ARRDC3: variants seen among roughly 807,000 people sequenced by gnomAD.
ARRDC3 encodes the protein arrestin domain containing 3, also known as arrestin domain-containing protein 3.
Under a neutral mutation model 47.2 loss-of-function variants are expected in ARRDC3, and 10 were observed. The ratio of observed to expected loss-of-function variants is 0.21; its 90% CI spans 0.13 to 0.36. ARRDC3 has a LOEUF of 0.36. ARRDC3 is among the 10% of genes least tolerant of loss of function. ARRDC3 has a pLI of 1.00. For missense variants in ARRDC3, 381 were observed against 503.6 expected (o/e 0.76, Z 2.33); for synonymous variants, 156 against 178.3 (o/e 0.87, Z 1.00).
At chr5:91,377,821 C>T (rs1268337256) in intron 2 of ARRDC3, among the ~76,000 whole-genome samples, 1 of 151,932 alleles carries the variant, frequency 6.6e-6, no homozygotes, top group East Asian at 1.9e-4. Context: ...TCAAATAATA[C>T]AGTAAATAGA....
chr5:91,370,721 C>G lies in ARRDC3; in HGVS notation c.*679G>C, dbSNP rs1050512119. 1.3e-5 allele frequency: 2 copies of G among 152,508 alleles called. No homozygotes were observed. Among genetic ancestry groups the G allele is most frequent in the Non-Finnish European group, 2.9e-5 (2 of 67,998 alleles). 9.4% of individuals were successfully genotyped at this position (152,508 alleles called of 1,614,324 possible). On this transcript the variant is annotated 3_prime_UTR_variant, in exon 8 of 8. Transcript: ENST00000265138. ...TCTTTTTTTCCCACATTATCTGTTGCGTATCTACTACAGTAGGCTGCAAAA... is the reference window on the plus strand; with the variant it reads ...TCTTTTTTTCCCACATTATCTGTTGGGTATCTACTACAGTAGGCTGCAAAA...
chr5:91,378,075 C>A (rs763126324), intron 2 of ARRDC3, among the ~76,000 whole-genome samples: 3 of 151,994 alleles, frequency 2.0e-5, no homozygotes, highest in Non-Finnish European at 4.4e-5. Context: ...GAATATACCA[C>A]TTTCCTTTTT....
intron 1 of ARRDC3, among the ~76,000 whole-genome samples, chr5:91,379,239 T>C (rs910580785): frequency 7.3e-6 from 1 of 137,104 alleles, no homozygotes; most frequent in East Asian, 2.1e-4. Flanking sequence ...ATACCAGATG[T>C]GAATAGAATA....
intron 2 of ARRDC3, among the ~76,000 whole-genome samples, chr5:91,377,789 C>T (rs1430934661): frequency 6.6e-6 from 1 of 151,946 alleles, no homozygotes; most frequent in Non-Finnish European, 1.5e-5. Context: ...TAGATGAGGG[C>T]ATTATATTCC....
rs1394065046 is a variant in ARRDC3, at chr5:91,376,728, G to A, written c.403C>T (p.Arg135Cys). ...TGCAATTCGGCTTTCACCCAATAGC[G>A]CACACTGCCATGTCGGCCTTCGAAT... ...TSFEGRHGSV[R>C]YWVKAELHRP... Residue 135 changes from arginine (R) to cysteine (C), a missense_variant, in exon 3 of 8, where the codon CGC (arginine) becomes TGC (cysteine). Physicochemically the swap from Arg to Cys is radical, Grantham distance 180. Transcript: ENST00000265138. The A allele has an allele frequency of 9.3e-6, 15 of 1,613,806 alleles. No individual in the cohort carries two copies. The highest frequency in any genetic ancestry group is 1.3e-5 in the Non-Finnish European group (15 of 1,179,864).
chr5:91,374,672 C>A (rs1406450873), intron 5 of ARRDC3, among the ~76,000 whole-genome samples: 1 of 152,032 alleles, frequency 6.6e-6, no homozygotes, highest in Non-Finnish European at 1.5e-5. Context: ...TCACTTGAGC[C>A]CAGGAGTTCA....
chr5:91,380,512 C>G (rs1011092095), intron 1 of ARRDC3: 2 of 152,566 alleles, frequency 1.3e-5, no homozygotes, highest in East Asian at 1.9e-4. Flanking sequence ...CCCCCCCTCC[C>G]CCAACATTTC....
chr5:91,370,731 ACAG>A lies in ARRDC3; in HGVS notation c.*666_*668del, dbSNP rs1303355659. 6 of 152,570 alleles carry A rather than the reference ACAG, an allele frequency of 3.9e-5. No individual in the cohort carries two copies. Among genetic ancestry groups the A allele is most frequent in the African/African-American group, 1.4e-4 (6 of 41,508 alleles). 9.5% of individuals were successfully genotyped at this position (152,570 alleles called of 1,614,324 possible). A position where few individuals can be genotyped will look rare whatever the true frequency, so the allele number is the denominator to read the frequency against. On this transcript the variant is annotated 3_prime_UTR_variant, in exon 8 of 8. Transcript: ENST00000265138. ...CCACATTATCTGTTGCGTATCTACT[ACAG>A]TAGGCTGCAAAACATACAGCAAAAA... is the stretch of plus-strand genomic sequence containing the variant.
intron 6 of ARRDC3, 65 bp downstream of exon 6, chr5:91,374,049 A>T: frequency 6.5e-7 from 1 of 1,536,888 alleles, no homozygotes; most frequent in Non-Finnish European, 8.8e-7. Flanking sequence ...AAAATATCAG[A>T]GGCAAAATAA....
intron 7 of ARRDC3, among the ~76,000 whole-genome samples, 156 bp from the exon 8 acceptor site, chr5:91,371,612 C>T (rs572720316): frequency 2.6e-5 from 4 of 152,196 alleles, no homozygotes; most frequent in Non-Finnish European, 4.4e-5. Flanking sequence ...TCTTTTCATA[C>T]GTGAAATGCT....
At chr5:91,380,890 A>G (rs1238185702) in intron 1 of ARRDC3, 1 of 152,336 alleles carries the variant, frequency 6.6e-6, no homozygotes, top group Non-Finnish European at 1.5e-5. Flanking sequence ...TGATGTTGAC[A>G]CGGGCTGGGC....
chr5:91,373,649 C>T, intron 7 of ARRDC3, 35 bp downstream of exon 7: 1 of 1,558,984 alleles, frequency 6.4e-7, no homozygotes, highest in African/African-American at 1.3e-5. Flanking sequence ...CCCAAGATAG[C>T]CAGTTCATTT....
rs1347876440 is a variant in ARRDC3 at position 91,371,435 on chromosome 5, A to T, written c.1210T>A (p.Ser404Thr). Residue 404 changes from serine (S) to threonine (T), a missense_variant, in exon 8 of 8, where the codon TCA becomes ACA. Physicochemically the swap from Ser to Thr is moderately conservative, Grantham distance 58 (BLOSUM62 1). Coordinates refer to ENST00000265138, the MANE Select transcript of ARRDC3 (RefSeq NM_020801.4). ...GGGCAGGATGGTCTATCATCTGCTG[A>T]CTGATCAGGATTTGGATCAATCTAG... is the stretch of plus-strand genomic sequence containing the variant. The part of the protein sequence containing the change: ...YSEIDPNPDQ[S>T]ADDRPSCPSR The T allele has an allele frequency of 6.2e-7, 1 of 1,613,542 alleles. No individual in the cohort carries two copies. Among genetic ancestry groups the T allele is most frequent in the East Asian group, 2.2e-5 (1 of 44,868 alleles).
Position 91,382,754 on chromosome 5 carries a change from T to G in ARRDC3, c.280+59A>C, listed in dbSNP as rs1258494724. ...GTAGAATCACGTTAATTCAGAAAAC[T>G]GAAAAGGTACGTTTCCAAAGAAAAT... On this transcript the variant is annotated intron_variant, in intron 1 of 7. Transcript: ENST00000265138. 3 of 1,519,064 alleles carry G rather than the reference T, an allele frequency of 2.0e-6. No homozygotes were observed. In the East Asian group the frequency reaches 6.8e-5, roughly 34 times the overall value. 94.1% of individuals were successfully genotyped at this position (1,519,064 alleles called of 1,614,324 possible). A position where few individuals can be genotyped will look rare whatever the true frequency, so the allele number is the denominator to read the frequency against.
Position 91,378,754 on chromosome 5 carries a change from CCTT to C in ARRDC3, c.299_301del (p.Glu100del). The C allele has an allele frequency of 6.3e-7, 1 of 1,592,954 alleles. No individual in the cohort carries two copies. Among genetic ancestry groups the C allele is most frequent in the Non-Finnish European group, 8.5e-7 (1 of 1,172,150 alleles). On this transcript the variant is annotated inframe_deletion, in exon 2 of 8. Transcript: ENST00000265138. ...CCTTCCTGAATGAATAGTGTGGAAG[CCTT>C]CTTCGGAATTATCATCATCTAAAAC...
rs1023060323 is a variant in ARRDC3, at chr5:91,375,251, A to C, written c.614-73T>G. 10 of 1,465,508 alleles carry C rather than the reference A, an allele frequency of 6.8e-6. No homozygotes were observed. The African/African-American group carries it at 1.4e-4, about 21-fold the overall frequency. 90.8% of individuals were successfully genotyped at this position (1,465,508 alleles called of 1,614,324 possible). On this transcript the variant is annotated intron_variant, in intron 4 of 7. Coordinates refer to ENST00000265138, the MANE Select transcript of ARRDC3 (RefSeq NM_020801.4). ...AAAAGAAGTCAAGATTCTTAAAGCT[A>C]AAGTAAGAAAGTGCAACTAACATAC...
Position 91,373,769 on chromosome 5 carries a change from C to G in ARRDC3, c.1103G>C (p.Cys368Ser), listed in dbSNP as rs1362177945. Reference sequence around the variant, plus strand: ...TTGAAGGGCTCTCTCAAAGTCATCACAAGCACTCACTGGTGCAAGATTGTT... The same window carrying G: ...TTGAAGGGCTCTCTCAAAGTCATCAGAAGCACTCACTGGTGCAAGATTGTT... ...RRNNLAPVSA[C>S]DDFERALQGP... Residue 368 changes from cysteine (C) to serine (S), a missense_variant, in exon 7 of 8, where the codon TGT (cysteine) becomes TCT (serine). Transcript: ENST00000265138. 1.2e-6 allele frequency: 2 copies of G among 1,613,954 alleles called. No individual in the cohort carries two copies. The highest frequency in any genetic ancestry group is 2.7e-5 in the African/African-American group (2 of 74,914).
At position 91,375,034 on chromosome 5, in the gene ARRDC3, T is replaced by A; in HGVS notation, c.758A>T (p.Glu253Val). 2 of 1,614,192 alleles carry A rather than the reference T, an allele frequency of 1.2e-6. No individual in the cohort carries two copies. The highest frequency in any genetic ancestry group is 1.7e-6 in the Non-Finnish European group (2 of 1,180,030). Reference sequence around the variant, plus strand: ...CTCTGTCTTTCCAGATGATAAGGATTCCCCACGCAAGTTAGCCACAAGCTG... The same window carrying A: ...CTCTGTCTTTCCAGATGATAAGGATACCCCACGCAAGTTAGCCACAAGCTG... ...VKQLVANLRG[E>V]SLSSGKTETW... Residue 253 changes from glutamate (E) to valine (V), a missense_variant, in exon 5 of 8, where the codon GAA becomes GTA. Coordinates refer to ENST00000265138, the MANE Select transcript of ARRDC3 (RefSeq NM_020801.4).
At position 91,383,247 on chromosome 5, in the gene ARRDC3, C is replaced by G. The variant is rs1799488419; in HGVS notation, c.-155G>C. ...CTCTACAAATAGTTCATTGAGATTT[C>G]TTAAAAAGTCAGGGCAGCAGAGGCT... On this transcript the variant is annotated 5_prime_UTR_variant, in exon 1 of 8. Coordinates refer to ENST00000265138, the MANE Select transcript of ARRDC3 (RefSeq NM_020801.4). 3 of 728,684 alleles carry G rather than the reference C, an allele frequency of 4.1e-6. No individual in the cohort carries two copies. The highest frequency in any genetic ancestry group is 6.4e-6 in the Non-Finnish European group (3 of 467,558). 45.1% of individuals were successfully genotyped at this position (728,684 alleles called of 1,614,324 possible). A position where few individuals can be genotyped will look rare whatever the true frequency, so the allele number is the denominator to read the frequency against.
Sources: gnomAD v4.1 joint callset for allele counts (sites outside exome capture counted in the v4.1 genomes callset) on GRCh38, gnomAD v4.1.1 for gene constraint, MANE v1.5 for transcripts, NCBI Gene and HGNC (gene_info 2026-07-23, HGNC 2026-07-21) for gene names.